The following ZFP42 variants were observed in gnomAD, a reference collection of about 807,000 sequenced individuals.
The protein encoded by ZFP42 is zinc finger protein 42 homolog.
For synonymous variants in ZFP42, 175 were observed against 144.6 expected, an observed-to-expected ratio of 1.21 and a Z score of -1.51; for missense variants, 438 against 377.1, an observed-to-expected ratio of 1.16 and a Z score of -1.34.
At chr4:187,997,007 G>GGAGCATGGAGCATGGAGCATGGAGCA in intron 1 of ZFP42, among the ~76,000 whole-genome samples, 1 of 18,042 alleles carries the variant, frequency 5.5e-5, no homozygotes, top group South Asian at 5.7e-3. Context: ...AGCATGGAGC[G>GGAGCATGGAGCATGGAGCATGGAGCA]TGGAGCGTGG....
At position 188,004,056 on chromosome 4, in the gene ZFP42, G is replaced by T; in HGVS notation, c.*316G>T. 1 of 223,018 alleles carries T rather than the reference G, an allele frequency of 4.5e-6. No homozygotes were observed. The highest frequency in any genetic ancestry group is 9.7e-6 in the Non-Finnish European group (1 of 103,348). 13.8% of individuals were successfully genotyped at this position (223,018 alleles called of 1,614,324 possible). ...CATAACCTTCAATATATTATCTGTT[G>T]GATTATTGGATATAAGACTTATTTT... On this transcript the variant is annotated 3_prime_UTR_variant, in exon 4 of 4. Coordinates refer to ENST00000326866, the MANE Select transcript of ZFP42 (RefSeq NM_174900.5).
chr4:187,998,996 C>G (rs1193211674), intron 1 of ZFP42, 112 bp from the exon 2 acceptor site: 1 of 152,192 alleles, frequency 6.6e-6, no homozygotes, highest in Non-Finnish European at 1.5e-5. Flanking sequence ...GCTCGGAGAT[C>G]TGACAAATAA....
intron 3 of ZFP42, among the ~76,000 whole-genome samples, chr4:188,000,093 T>C (rs1733752635): frequency 6.6e-6 from 1 of 152,198 alleles, no homozygotes; most frequent in Non-Finnish European, 1.5e-5. Context: ...TTTTTGAATG[T>C]TTGAGTATTT....
Position 188,003,051 on chromosome 4 carries a change from T to C in ZFP42, c.244T>C (p.Ser82Pro), listed in dbSNP as rs1449637930. Reference protein sequence around the residue: ...YIECVIRGEFSQPILEEDSLF... With the variant: ...YIECVIRGEFPQPILEEDSLF... Reference sequence around the variant, plus strand: ...AGAATGCGTCATAAGGGGTGAGTTTTCTCAACCCATCCTGGAAGAGGACTC... The same window carrying C: ...AGAATGCGTCATAAGGGGTGAGTTTCCTCAACCCATCCTGGAAGAGGACTC... Residue 82 changes from serine to proline, a missense_variant, in exon 4 of 4, where the codon TCT (serine) becomes CCT (proline). By Grantham distance (74) the Ser-to-Pro change is moderately conservative (BLOSUM62 -1). Coordinates refer to ENST00000326866, the MANE Select transcript of ZFP42 (RefSeq NM_174900.5). 1.2e-6 allele frequency: 2 copies of C among 1,614,112 alleles called. No individual in the cohort carries two copies. Among genetic ancestry groups the C allele is most frequent in the Non-Finnish European group, 1.7e-6 (2 of 1,179,996 alleles).
chr4:188,003,044 T>C lies in ZFP42; in HGVS notation c.237T>C (p.Gly79=). 1 of 1,613,912 alleles carries C rather than the reference T, an allele frequency of 6.2e-7. No homozygotes were observed. The highest frequency in any genetic ancestry group is 8.5e-7 in the Non-Finnish European group (1 of 1,179,962). The change falls in exon 4 of 4, where the codon GGT becomes GGC. Residue 79 remains glycine, a synonymous_variant. Coordinates refer to ENST00000326866, the MANE Select transcript of ZFP42 (RefSeq NM_174900.5). ...GTTACATAGAATGCGTCATAAGGGG[T>C]GAGTTTTCTCAACCCATCCTGGAAG... ...SDCYIECVIR[G]EFSQPILEED... is the part of the protein sequence containing the mutation.
chr4:187,996,475 T>C (rs1192422810), intron 1 of ZFP42, among the ~76,000 whole-genome samples: 1 of 151,990 alleles, frequency 6.6e-6, no homozygotes, highest in East Asian at 1.9e-4. Context: ...TGCGCCCGGC[T>C]AATTTTTGTA....
chr4:187,996,112 T>C (rs1733551003), intron 1 of ZFP42, among the ~76,000 whole-genome samples: 3 of 152,310 alleles, frequency 2.0e-5, no homozygotes, highest in Admixed American at 1.3e-4. Flanking sequence ...ATTTCCTAAA[T>C]TGCATTTTTT....
rs1279281944 is a variant in ZFP42, at chr4:187,999,105, C to T, written c.-338-3C>T. ...ATGCCTTTCTTTTTTTTCTGTCACCCAGGTTGGAGTGCAATGGTGTGATCT... is the reference window on the plus strand; with the variant it reads ...ATGCCTTTCTTTTTTTTCTGTCACCTAGGTTGGAGTGCAATGGTGTGATCT... On this transcript the variant is annotated splice_region_variant and splice_polypyrimidine_tract_variant and intron_variant, in intron 1 of 3. Coordinates refer to ENST00000326866, the MANE Select transcript of ZFP42 (RefSeq NM_174900.5). 1 of 151,968 alleles carries T rather than the reference C, an allele frequency of 6.6e-6. No homozygotes were observed. Among genetic ancestry groups the T allele is most frequent in the African/African-American group, 2.4e-5 (1 of 41,356 alleles). 9.4% of individuals were successfully genotyped at this position (151,968 alleles called of 1,614,324 possible). A position where few individuals can be genotyped will look rare whatever the true frequency, so the allele number is the denominator to read the frequency against.
intron 1 of ZFP42, among the ~76,000 whole-genome samples, chr4:187,997,007 GTGGAGCGTGGAGCA>G (rs797016864): frequency 1.1e-4 from 2 of 18,036 alleles, no homozygotes; most frequent in African/African-American, 7.0e-4. Context: ...AGCATGGAGC[GTGGAGCGTGGAGCA>G]TGGAGCATGG....
At position 188,003,544 on chromosome 4, in the gene ZFP42, G is replaced by T. The variant is rs147517413; in HGVS notation, c.737G>T (p.Arg246Leu). 597 of 1,613,572 alleles carry T rather than the reference G, an allele frequency of 3.7e-4. 2 individuals are homozygous for T. In the African/African-American group the frequency reaches 6.4e-3, roughly 17 times the overall value. The change falls in exon 4 of 4, where the codon CGG becomes CTG. Residue 246 changes from arginine to leucine, a missense_variant. Physicochemically the swap from Arg to Leu is moderately radical, Grantham distance 102. Coordinates refer to ENST00000326866, the MANE Select transcript of ZFP42 (RefSeq NM_174900.5). ...FLVHTGEKPF[R>L]CTFEGCGKRF... ...GTTCATACTGGAGAGAAGCCGTTTC[G>T]GTGCACTTTTGAAGGGTGCGGAAAG...
chr4:188,000,077 C>T (rs1186309242), intron 3 of ZFP42, among the ~76,000 whole-genome samples: 1 of 152,098 alleles, frequency 6.6e-6, no homozygotes, highest in Non-Finnish European at 1.5e-5. Flanking sequence ...TTATGGACAT[C>T]AGATTTTTTT....
In ZFP42 at chr4:188,003,539, G is replaced by A. The variant is rs908175834; in HGVS notation, c.732G>A (p.Pro244=). The part of the protein sequence containing the change: ...RHFLVHTGEK[P]FRCTFEGCGK... ...TCCTGGTTCATACTGGAGAGAAGCC[G>A]TTTCGGTGCACTTTTGAAGGGTGCG... The change falls in exon 4 of 4, where the codon CCG becomes CCA. Residue 244 remains proline, a synonymous_variant. Coordinates refer to ENST00000326866, the MANE Select transcript of ZFP42 (RefSeq NM_174900.5). 1 of 1,613,642 alleles carries A rather than the reference G, an allele frequency of 6.2e-7. No individual in the cohort carries two copies. Among genetic ancestry groups the A allele is most frequent in the Non-Finnish European group, 8.5e-7 (1 of 1,180,032 alleles).
chr4:187,997,013 CGTGG>C (rs1733609740), intron 1 of ZFP42, among the ~76,000 whole-genome samples: 3 of 36,458 alleles, frequency 8.2e-5, no homozygotes, highest in Admixed American at 6.9e-4. Flanking sequence ...GAGCGTGGAG[CGTGG>C]AGCATGGAGC....
At position 188,003,490 on chromosome 4, in the gene ZFP42, A is replaced by T. The variant is rs754037244; in HGVS notation, c.683A>T (p.Glu228Val). The T allele has an allele frequency of 1.2e-6, 2 of 1,613,780 alleles. No individual in the cohort carries two copies. Among genetic ancestry groups the T allele is most frequent in the African/African-American group, 2.7e-5 (2 of 74,936 alleles). ...VCAECGKAFV[E>V]SSKLKRHFLV... ...GCGGAATGTGGGAAAGCGTTCGTTG[A>T]GAGCTCAAAACTAAAGAGACATTTC... The change falls in exon 4 of 4, where the codon GAG (glutamate) becomes GTG (valine). Residue 228 changes from glutamate to valine, a missense_variant. Transcript: ENST00000326866.
In ZFP42 at chr4:188,003,691, A is replaced by T. The variant is rs1733943129; in HGVS notation, c.884A>T (p.His295Leu). 3.7e-6 allele frequency: 6 copies of T among 1,614,054 alleles called. No homozygotes were observed. The highest frequency in any genetic ancestry group is 5.1e-6 in the Non-Finnish European group (6 of 1,180,010). ...ATTCAGTCAAATAACCTGAAAGCCC[A>T]CATCCTAACGCATGCAAATACGAAC... is the stretch of plus-strand genomic sequence containing the variant. ...RFIQSNNLKAHILTHANTNKN... is the reference protein window; with the variant it reads ...RFIQSNNLKALILTHANTNKN... The change falls in exon 4 of 4, where the codon CAC becomes CTC. Residue 295 changes from histidine (H) to leucine (L), a missense_variant. His to Leu is a moderately conservative substitution (Grantham distance 99). Transcript: ENST00000326866.
chr4:188,002,385 T>C (rs561805245), intron 3 of ZFP42, among the ~76,000 whole-genome samples: 1 of 152,328 alleles, frequency 6.6e-6, no homozygotes, highest in South Asian at 2.1e-4. Context: ...TCTATGCTCA[T>C]GAGTATGTCT....
chr4:187,998,378 G>A (rs1733684946), intron 1 of ZFP42, among the ~76,000 whole-genome samples: 1 of 152,148 alleles, frequency 6.6e-6, no homozygotes, highest in East Asian at 1.9e-4. Context: ...AAAAGTTACA[G>A]TAAGCTAAGG....
At chr4:187,997,491 T>C (rs1733648059) in intron 1 of ZFP42, among the ~76,000 whole-genome samples, 1 of 151,876 alleles carries the variant, frequency 6.6e-6, no homozygotes, top group East Asian at 1.9e-4. Context: ...CCTCCCAAAG[T>C]GGTGGGATTA....
chr4:188,002,986 C>T lies in ZFP42; in HGVS notation c.179C>T (p.Pro60Leu), dbSNP rs1733893970. 1.2e-6 allele frequency: 2 copies of T among 1,614,138 alleles called. No individual in the cohort carries two copies. The highest frequency in any genetic ancestry group is 1.6e-4 in the Middle Eastern group (1 of 6,062). The change falls in exon 4 of 4, where the codon CCT (proline) becomes CTT (leucine). Residue 60 changes from proline (P) to leucine (L), a missense_variant. Pro to Leu is a moderately conservative substitution (Grantham distance 98, BLOSUM62 -3). Coordinates refer to ENST00000326866, the MANE Select transcript of ZFP42 (RefSeq NM_174900.5). ...GGCTATGTGTGCTATGAGCCTGGCCCTCAGGCTCTCGGAGGGGATGATTTC... is the reference window on the plus strand; with the variant it reads ...GGCTATGTGTGCTATGAGCCTGGCCTTCAGGCTCTCGGAGGGGATGATTTC... Reference protein sequence around the residue: ...CDGYVCYEPGPQALGGDDFSD... With the variant: ...CDGYVCYEPGLQALGGDDFSD...
Sources: gnomAD v4.1 joint callset for allele counts (sites outside exome capture counted in the v4.1 genomes callset) on GRCh38, gnomAD v4.1.1 for gene constraint, MANE v1.5 for transcripts, NCBI Gene and HGNC (gene_info 2026-07-23, HGNC 2026-07-21) for gene names.